The following RPA3 variants were observed in gnomAD, a reference collection of about 807,000 sequenced individuals.
RPA3 encodes the protein replication protein A 14 kDa subunit.
In RPA3, 24 loss-of-function variants were observed where a neutral mutation model predicts 13.7. The observed-to-expected ratio is 1.75, with a 90% confidence interval of 1.27 to 2.46. RPA3 has a LOEUF of 2.46. RPA3 is among the 30% of genes most tolerant of loss of function. The pLI is 0.00. For synonymous variants in RPA3, 59 were observed against 51.2 expected, an observed-to-expected ratio of 1.15 and a Z score of -0.65; for missense variants, 183 against 151.0, an observed-to-expected ratio of 1.21 and a Z score of -1.11.
chr7:7,690,515 A>G (rs1780147994), intron 2 of RPA3, among the ~76,000 whole-genome samples: 1 of 152,156 alleles, frequency 6.6e-6, no homozygotes, highest in South Asian at 2.1e-4. Context: ...CTTTTTTATT[A>G]TAAATTGAGC....
chr7:7,645,415 G>T (rs764217655), intron 4 of RPA3, among the ~76,000 whole-genome samples: 1 of 152,146 alleles, frequency 6.6e-6, no homozygotes, highest in Non-Finnish European at 1.5e-5. Flanking sequence ...GGTTCTTTCT[G>T]TCTTTCTGTA....
chr7:7,707,007 T>C (rs185102309), intron 2 of RPA3, among the ~76,000 whole-genome samples: 2 of 152,334 alleles, frequency 1.3e-5, no homozygotes, highest in East Asian at 3.9e-4. Context: ...AAAACATTTT[T>C]AGTCAGTCTC....
intron 2 of RPA3, among the ~76,000 whole-genome samples, chr7:7,706,832 A>G (rs1445818759): frequency 6.6e-6 from 1 of 152,084 alleles, no homozygotes; most frequent in African/African-American, 2.4e-5. Flanking sequence ...TGGTTTTGTT[A>G]TTTTTTGGAT....
At chr7:7,673,138 C>G (rs1286470253) in intron 4 of RPA3, among the ~76,000 whole-genome samples, 1 of 152,182 alleles carries the variant, frequency 6.6e-6, no homozygotes, top group Non-Finnish European at 1.5e-5. Context: ...ATTGGAAGAT[C>G]ATTTTCTAGC....
chr7:7,639,136 G>A lies in RPA3; in HGVS notation c.108C>T (p.Pro36=). 6.2e-7 allele frequency: 1 copy of A among 1,608,560 alleles called. No individual in the cohort carries two copies. The highest frequency in any genetic ancestry group is 2.2e-5 in the East Asian group (1 of 44,750). Residue 36 remains proline (P), a synonymous_variant, in exon 6 of 8, where the codon CCC becomes CCT. Transcript: ENST00000223129. Reference sequence around the variant, plus strand: ...CTGAAAGAATAAACATTTTTCCGGTGGGATGAATCTAAAAACGAAACATAT... The same window carrying A: ...CTGAAAGAATAAACATTTTTCCGGTAGGATGAATCTAAAAACGAAACATAT... ...CFVGRLEKIH[P]TGKMFILSDG...
intron 4 of RPA3, among the ~76,000 whole-genome samples, chr7:7,680,265 T>C (rs540550194): frequency 5.3e-5 from 8 of 152,248 alleles, no homozygotes; most frequent in African/African-American, 9.6e-5. Context: ...CATATAGATA[T>C]CCAGTTTTCC....
At chr7:7,667,478 C>CT (rs1779494117) in intron 4 of RPA3, among the ~76,000 whole-genome samples, 1 of 152,126 alleles carries the variant, frequency 6.6e-6, no homozygotes, top group African/African-American at 2.4e-5. Context: ...CTTAATTCTG[C>CT]TAAGGATTGC....
intron 2 of RPA3, among the ~76,000 whole-genome samples, chr7:7,707,633 T>C (rs1583759215): frequency 6.6e-6 from 1 of 152,196 alleles, no homozygotes; most frequent in African/African-American, 2.4e-5. Context: ...CTAAATGATA[T>C]TTTGGAATTT....
In RPA3 at chr7:7,640,439, G is replaced by A. The variant is rs776086443; in HGVS notation, c.-21C>T. The stretch of plus-strand genomic sequence containing the variant: ...ACCATGATTATGGTCCAAGACTGCG[G>A]CTGGCGGGAAACCCACGGACGACTG... On this transcript the variant is annotated 5_prime_UTR_variant, in exon 5 of 8. Transcript: ENST00000223129. 1.2e-6 allele frequency: 2 copies of A among 1,611,090 alleles called. No individual in the cohort carries two copies. Among genetic ancestry groups the A allele is most frequent in the Admixed American group, 3.3e-5 (2 of 59,972 alleles).
At chr7:7,646,661 A>G (rs150820472) in intron 4 of RPA3, among the ~76,000 whole-genome samples, 1 of 151,878 alleles carries the variant, frequency 6.6e-6, no homozygotes, top group African/African-American at 2.4e-5. Flanking sequence ...ATGAAAATGA[A>G]CTAATACAGA....
chr7:7,640,246 C>T, intron 5 of RPA3, 74 bp downstream of exon 5: 4 of 1,473,610 alleles, frequency 2.7e-6, no homozygotes, highest in Non-Finnish European at 3.8e-6. Context: ...CGTCCTTTTT[C>T]ATCCCCCGTT....
At chr7:7,665,144 G>GGAGAT (rs555089012) in intron 4 of RPA3, among the ~76,000 whole-genome samples, 6 of 152,112 alleles carry the variant, frequency 3.9e-5, no homozygotes, top group Non-Finnish European at 8.8e-5. Context: ...GAAATTCAAA[G>GGAGAT]GAGATAATCA....
chr7:7,637,289 C>T (rs899201266), intron 7 of RPA3, among the ~76,000 whole-genome samples: 2 of 152,126 alleles, frequency 1.3e-5, no homozygotes, highest in Non-Finnish European at 2.9e-5. Flanking sequence ...GTTCATTATA[C>T]AGGCAGTTTC....
intron 4 of RPA3, among the ~76,000 whole-genome samples, chr7:7,652,381 T>C (rs77983288): frequency 3.3e-5 from 5 of 152,208 alleles, no homozygotes; most frequent in African/African-American, 9.6e-5. Context: ...TTATTACCAA[T>C]TTTTTTAGTG....
At chr7:7,684,018 C>A (rs1192890099) in intron 4 of RPA3, among the ~76,000 whole-genome samples, 8 of 152,212 alleles carry the variant, frequency 5.3e-5, no homozygotes, top group Non-Finnish European at 1.2e-4. Context: ...CATTGACGCT[C>A]AACGCTCTGA....
rs1053942480 is a variant in RPA3, at chr7:7,636,834, T to C, written c.*166A>G. The C allele has an allele frequency of 4.1e-5, 24 of 590,762 alleles. No individual in the cohort carries two copies. In the African/African-American group the frequency reaches 4.4e-4, roughly 11 times the overall value. The allele number at this position is 590,762 out of a possible 1,614,324, so 36.6% of individuals were successfully genotyped here. A position where few individuals can be genotyped will look rare whatever the true frequency, so the allele number is the denominator to read the frequency against. On this transcript the variant is annotated 3_prime_UTR_variant, in exon 8 of 8. Transcript: ENST00000223129. Reference sequence around the variant, plus strand: ...GCAATTCTTTATAAAAGGACTTCGGTGAGAACTGTCAATATATCAGTTCCA... The same window carrying C: ...GCAATTCTTTATAAAAGGACTTCGGCGAGAACTGTCAATATATCAGTTCCA...
intron 1 of RPA3, among the ~76,000 whole-genome samples, chr7:7,717,896 T>C (rs1020936411): frequency 5.9e-5 from 9 of 152,238 alleles, no homozygotes; most frequent in African/African-American, 2.2e-4. Context: ...TGAAAATCTG[T>C]TTACCAAACT....
At chr7:7,685,136 C>T (rs1287368668) in intron 4 of RPA3, among the ~76,000 whole-genome samples, 2 of 151,952 alleles carry the variant, frequency 1.3e-5, no homozygotes, top group African/African-American at 4.8e-5. Context: ...AATATTCTAC[C>T]TTGTATGAGT....
At chr7:7,696,297 A>C (rs1205829858) in intron 2 of RPA3, among the ~76,000 whole-genome samples, 1 of 151,422 alleles carries the variant, frequency 6.6e-6, no homozygotes, top group Non-Finnish European at 1.5e-5. Context: ...ATTATTAGGT[A>C]GATTAAAAAA....
Sources: allele counts gnomAD v4.1 joint callset (sites outside exome capture counted in the v4.1 genomes callset), GRCh38; gene constraint gnomAD v4.1.1; transcripts MANE v1.5; gene names NCBI Gene and HGNC (gene_info 2026-07-23, HGNC 2026-07-21).